The following AGBL4 variants were observed in gnomAD, a reference collection of about 807,000 sequenced individuals.
The protein encoded by AGBL4 is AGBL carboxypeptidase 4.
A neutral mutation model predicts 66.4 loss-of-function variants in AGBL4; 58 were observed. That is an observed-to-expected ratio of 0.87 (90% confidence interval 0.71 to 1.09). The LOEUF is 1.09. AGBL4 is among the 50% of genes least tolerant of loss of function. AGBL4 has a pLI of 0.00. For synonymous variants in AGBL4, 234 were observed against 222.9 expected (o/e 1.05, Z -0.44); for missense variants, 579 against 631.0 (o/e 0.92, Z 0.88).
At chr1:49,824,733 G>A (rs991937739) in intron 2 of AGBL4, among the ~76,000 whole-genome samples, 24 of 152,270 alleles carry the variant, frequency 1.6e-4, no homozygotes, top group East Asian at 5.8e-4. Flanking sequence ...ATTACACCAC[G>A]CATGTGGAGA....
intron 6 of AGBL4, among the ~76,000 whole-genome samples, chr1:48,807,814 T>C (rs976355572): frequency 1.3e-5 from 2 of 149,518 alleles, no homozygotes; most frequent in African/African-American, 4.9e-5. Flanking sequence ...AACCCCCGAG[T>C]TGTGAAAGGA....
chr1:49,822,310 CGTGTGTGTGTGTGT>C (rs143957066), intron 2 of AGBL4, among the ~76,000 whole-genome samples: 4 of 145,888 alleles, frequency 2.7e-5, no homozygotes, highest in African/African-American at 7.5e-5. Context: ...CTTCTTTCTT[CGTGTGTGTGTGTGT>C]GTGTGTGTGT....
At chr1:49,494,559 A>G (rs1199394193) in intron 3 of AGBL4, among the ~76,000 whole-genome samples, 1 of 151,974 alleles carries the variant, frequency 6.6e-6, no homozygotes, top group Non-Finnish European at 1.5e-5. Flanking sequence ...TTTACTGAGA[A>G]TGATGATTTC....
At chr1:49,177,909 A>C (rs996882053) in intron 4 of AGBL4, among the ~76,000 whole-genome samples, 2 of 152,208 alleles carry the variant, frequency 1.3e-5, no homozygotes, top group African/African-American at 4.8e-5. Context: ...CTGAAACAAT[A>C]AATACCTTTT....
In AGBL4 at chr1:49,530,967, G is replaced by A. The variant is rs548376655; in HGVS notation, c.282+166346C>T. Among the ~76,000 whole-genome samples the A allele has an allele frequency of 3.4e-4, 51 of 152,142 alleles. 1 individual carries two copies. The South Asian group carries it at 9.7e-3, about 29-fold the overall frequency. ...AATACCTAAACACTGAGGATTAGAT[G>A]AAATAGTATATGTAAATACCTAGGT... On this transcript the variant is annotated intron_variant, in intron 3 of 13. Coordinates refer to ENST00000371839, the MANE Select transcript of AGBL4 (RefSeq NM_032785.4).
intron 11 of AGBL4, among the ~76,000 whole-genome samples, chr1:48,566,818 AC>A (rs1389419630): frequency 1.3e-5 from 2 of 152,190 alleles, no homozygotes; most frequent in Admixed American, 1.3e-4. Flanking sequence ...CTGCCAGCCC[AC>A]GCTTGCAAAC....
chr1:49,216,634 TA>T (rs1238022781), intron 4 of AGBL4, among the ~76,000 whole-genome samples: 2 of 152,162 alleles, frequency 1.3e-5, no homozygotes, highest in African/African-American at 2.4e-5. Flanking sequence ...TATATTTCCA[TA>T]GTATATATAT....
intron 3 of AGBL4, among the ~76,000 whole-genome samples, chr1:49,482,946 A>G (rs767517481): frequency 6.6e-6 from 1 of 152,064 alleles, no homozygotes; most frequent in Non-Finnish European, 1.5e-5. Context: ...TGAATTTCTT[A>G]GTCTTGACTT....
At chr1:49,150,077 C>T (rs1646297383) in intron 4 of AGBL4, among the ~76,000 whole-genome samples, 1 of 152,048 alleles carries the variant, frequency 6.6e-6, no homozygotes, top group African/African-American at 2.4e-5. Context: ...TTTAATCAAA[C>T]TGTTTATATA....
chr1:49,676,652 C>T (rs1288735111), intron 3 of AGBL4, among the ~76,000 whole-genome samples: 2 of 151,996 alleles, frequency 1.3e-5, no homozygotes, highest in East Asian at 1.9e-4. Flanking sequence ...AAACATTTAT[C>T]AGATAAATAC....
intron 3 of AGBL4, among the ~76,000 whole-genome samples, chr1:49,554,462 T>A (rs2148843400): frequency 6.6e-6 from 1 of 152,356 alleles, no homozygotes; most frequent in South Asian, 2.1e-4. Flanking sequence ...TGAAACCATT[T>A]TTTTAGCTTA....
At chr1:49,118,290 G>C (rs2148036987) in intron 4 of AGBL4, among the ~76,000 whole-genome samples, 1 of 152,242 alleles carries the variant, frequency 6.6e-6, no homozygotes, top group African/African-American at 2.4e-5. Context: ...TCCTTGTCTT[G>C]TGCTGGTTTT....
At chr1:49,644,097 TG>T (rs1428486374) in intron 3 of AGBL4, among the ~76,000 whole-genome samples, 1 of 151,562 alleles carries the variant, frequency 6.6e-6, no homozygotes, top group Non-Finnish European at 1.5e-5. Flanking sequence ...CTTGTGAGGT[TG>T]TTATAATACA....
intron 1 of AGBL4, among the ~76,000 whole-genome samples, chr1:50,022,636 AC>A (rs1662534083): frequency 2.6e-5 from 4 of 151,358 alleles, no homozygotes; most frequent in Non-Finnish European, 4.4e-5. Context: ...ACACACACAC[AC>A]ACACACACAC....
chr1:49,082,189 G>C (rs1324607216), intron 4 of AGBL4, among the ~76,000 whole-genome samples: 1 of 152,172 alleles, frequency 6.6e-6, no homozygotes, highest in African/African-American at 2.4e-5. Context: ...GGGTAGATGT[G>C]ATGTAGGAGA....
At chr1:49,802,875 T>C (rs865959993) in intron 2 of AGBL4, among the ~76,000 whole-genome samples, 2 of 152,176 alleles carry the variant, frequency 1.3e-5, no homozygotes, top group Middle Eastern at 3.2e-3. Context: ...TCTACCAATA[T>C]GTCTGCTGAT....
intron 3 of AGBL4, among the ~76,000 whole-genome samples, chr1:49,584,912 G>T (rs1287709896): frequency 1.3e-5 from 2 of 152,136 alleles, no homozygotes; most frequent in Non-Finnish European, 2.9e-5. Flanking sequence ...AGATCACACA[G>T]CTTGTAAGTT....
chr1:49,046,532 A>C (rs1644084939), intron 4 of AGBL4, among the ~76,000 whole-genome samples: 1 of 152,188 alleles, frequency 6.6e-6, no homozygotes, highest in Non-Finnish European at 1.5e-5. Flanking sequence ...ACAGGAAACA[A>C]AAATGTTGCA....
intron 6 of AGBL4, among the ~76,000 whole-genome samples, chr1:48,784,422 A>G (rs968209299): frequency 2.0e-5 from 3 of 152,152 alleles, no homozygotes; most frequent in Non-Finnish European, 4.4e-5. Flanking sequence ...GTCCCCTTCA[A>G]TAAAACTCTG....
Sources: gnomAD v4.1 joint callset for allele counts (sites outside exome capture counted in the v4.1 genomes callset) on GRCh38, gnomAD v4.1.1 for gene constraint, MANE v1.5 for transcripts, NCBI Gene and HGNC (gene_info 2026-07-23, HGNC 2026-07-21) for gene names.